DLC1: variants seen among roughly 807,000 people sequenced by gnomAD.
The protein encoded by DLC1 is DLC1 Rho GTPase activating protein, also known as rho GTPase-activating protein 7.
In DLC1, 54 loss-of-function variants were observed where a neutral mutation model predicts 140.3. The ratio of observed to expected loss-of-function variants is 0.38; its 90% confidence interval spans 0.31 to 0.48. The LOEUF is 0.48. DLC1 is among the 20% of genes least tolerant of loss of function. DLC1 has a pLI of 0.96. For missense variants in DLC1, 2,536 were observed against 1,907.0 expected (o/e 1.33, Z -6.14); for synonymous variants, 986 against 728.1 (o/e 1.35, Z -5.70).
chr8:13,237,534 A>G (rs1025143510), intron 5 of DLC1, among the ~76,000 whole-genome samples: 1 of 151,860 alleles, frequency 6.6e-6, no homozygotes, highest in African/African-American at 2.4e-5. Context: ...TTTATGGTGA[A>G]TTCTGAGGTT....
At chr8:13,160,440 G>A (rs1824602717) in intron 5 of DLC1, among the ~76,000 whole-genome samples, 1 of 152,136 alleles carries the variant, frequency 6.6e-6, no homozygotes, top group Non-Finnish European at 1.5e-5. Flanking sequence ...TTAAAGACTT[G>A]TAATGTTTCT....
intron 5 of DLC1, among the ~76,000 whole-genome samples, chr8:13,219,649 C>T (rs1459432299): frequency 6.6e-6 from 1 of 151,612 alleles, no homozygotes; most frequent in Non-Finnish European, 1.5e-5. Context: ...TTGGAGATAT[C>T]TATATATCTA....
intron 2 of DLC1, among the ~76,000 whole-genome samples, chr8:13,424,290 G>T (rs1312312344): frequency 6.6e-6 from 1 of 151,942 alleles, no homozygotes; most frequent in Non-Finnish European, 1.5e-5. Flanking sequence ...GGAGTTCAAG[G>T]TCAGCCTGGC....
At chr8:13,391,338 C>A (rs756504170) in intron 4 of DLC1, among the ~76,000 whole-genome samples, 19 of 152,220 alleles carry the variant, frequency 1.2e-4, no homozygotes, top group Non-Finnish European at 2.1e-4. Flanking sequence ...GCTTGTATTC[C>A]CAGATGACAA....
intron 1 of DLC1, among the ~76,000 whole-genome samples, chr8:13,569,504 T>C (rs1379214072): frequency 6.6e-6 from 1 of 152,210 alleles, no homozygotes; most frequent in Non-Finnish European, 1.5e-5. Context: ...AATATATTCA[T>C]GTTTTACATA....
intron 2 of DLC1, among the ~76,000 whole-genome samples, chr8:13,484,991 C>G (rs372831931): frequency 2.1e-4 from 32 of 152,096 alleles, no homozygotes; most frequent in African/African-American, 7.7e-4. Flanking sequence ...GAAATGGTAC[C>G]CATTCCTTGA....
At chr8:13,196,436 A>G (rs991570501) in intron 5 of DLC1, among the ~76,000 whole-genome samples, 1 of 152,192 alleles carries the variant, frequency 6.6e-6, no homozygotes, top group Non-Finnish European at 1.5e-5. Flanking sequence ...ATACCCGTGT[A>G]AGGTCTATTG....
chr8:13,345,315 A>G (rs1834277329), intron 4 of DLC1, among the ~76,000 whole-genome samples: 1 of 152,106 alleles, frequency 6.6e-6, no homozygotes, highest in South Asian at 2.1e-4. Flanking sequence ...GAGAATGAAG[A>G]AGAGAGTCGA....
At chr8:13,553,575 C>G (rs549105308) in intron 1 of DLC1, among the ~76,000 whole-genome samples, 3 of 151,976 alleles carry the variant, frequency 2.0e-5, no homozygotes, top group Admixed American at 6.6e-5. Context: ...TGGTCTCAAA[C>G]TCCTGGGCTC....
intron 1 of DLC1, among the ~76,000 whole-genome samples, chr8:13,603,191 T>C (rs1585322495): frequency 6.6e-6 from 1 of 151,886 alleles, no homozygotes; most frequent in Non-Finnish European, 1.5e-5. Context: ...CTGTCATCCA[T>C]TTCTATGTAG....
chr8:13,320,493 A>T (rs886318782), intron 4 of DLC1, among the ~76,000 whole-genome samples: 4 of 152,138 alleles, frequency 2.6e-5, no homozygotes, highest in Admixed American at 2.0e-4. Context: ...TTTTTCAAGG[A>T]TTATAATAGA....
At chr8:13,146,359 T>TTTTTTAATCAGTACTAG (rs1375118104) in intron 5 of DLC1, among the ~76,000 whole-genome samples, 1 of 152,242 alleles carries the variant, frequency 6.6e-6, no homozygotes, top group East Asian at 1.9e-4. Context: ...AGGACTCTTT[T>TTTTTTAATCAGTACTAG]TTTTTAATCA....
chr8:13,260,467 G>A (rs147862508), intron 5 of DLC1, among the ~76,000 whole-genome samples: 214 of 152,272 alleles, frequency 1.4e-3, no homozygotes, highest in African/African-American at 4.5e-3. Flanking sequence ...GAAGATGAAT[G>A]GATAGGAAAG....
chr8:13,206,931 T>C (rs980544667), intron 5 of DLC1, among the ~76,000 whole-genome samples: 7 of 152,096 alleles, frequency 4.6e-5, no homozygotes, highest in South Asian at 2.1e-4. Flanking sequence ...GTCACTATTA[T>C]GCTACTGAGA....
At chr8:13,086,227 G>C (rs968141889) in intron 17 of DLC1, 63 bp downstream of exon 17, 11 of 1,561,300 alleles carry the variant, frequency 7.0e-6, no homozygotes, top group African/African-American at 1.4e-5. Context: ...CTTTGCATTA[G>C]ACAAAAAGTC....
At chr8:13,528,709 A>T (rs1228177091) in intron 1 of DLC1, among the ~76,000 whole-genome samples, 1 of 152,144 alleles carries the variant, frequency 6.6e-6, no homozygotes, top group Non-Finnish European at 1.5e-5. Context: ...TTTTTTAATG[A>T]GTTAAAATAA....
At chr8:13,323,815 T>C (rs986322905) in intron 4 of DLC1, among the ~76,000 whole-genome samples, 3 of 152,238 alleles carry the variant, frequency 2.0e-5, no homozygotes, top group Non-Finnish European at 4.4e-5. Context: ...AGGCATTTTG[T>C]TAACTGGTGG....
At position 13,218,983 on chromosome 8, in the gene DLC1, T is replaced by TATATAATAATTATATACGA. The variant is rs1563173903; in HGVS notation, c.1348+86285_1348+86286insTCGTATATAATTATTATAT. Among the ~76,000 whole-genome samples, 175 of 33,574 alleles carry TATATAATAATTATATACGA rather than the reference T, an allele frequency of 5.2e-3. 6 individuals carry two copies. The highest frequency in any genetic ancestry group is 0.034 in the African/African-American group (163 of 4,754). The allele number at this position is 33,574 out of a possible 152,430, so 22.0% of individuals were successfully genotyped here. ...GTATATAATTATATACGTATATAACTATATAATTATATACGAATATAATTA... is the reference window on the plus strand; with the variant it reads ...GTATATAATTATATACGTATATAACTATATAATAATTATATACGAATATAATTATATACGAATATAATTA... On this transcript the variant is annotated intron_variant, in intron 5 of 17. Coordinates refer to ENST00000276297, the MANE Select transcript of DLC1 (RefSeq NM_182643.3).
chr8:13,382,310 A>G lies in DLC1; in HGVS notation c.1314+11243T>C, dbSNP rs912606429. Among the ~76,000 whole-genome samples the G allele has an allele frequency of 1.6e-4, 24 of 151,776 alleles. No homozygotes were observed. The East Asian group carries it at 4.1e-3, about 26-fold the overall frequency. On this transcript the variant is annotated intron_variant, in intron 4 of 17. Coordinates refer to ENST00000276297, the MANE Select transcript of DLC1 (RefSeq NM_182643.3). ...ATCACGAGGTCAGGAGATCGAGACC[A>G]TCCTGGCTAACACGTTGAAACCCCG...
Sources: allele counts gnomAD v4.1 joint callset (sites outside exome capture counted in the v4.1 genomes callset), GRCh38; gene constraint gnomAD v4.1.1; transcripts MANE v1.5; gene names NCBI Gene and HGNC (gene_info 2026-07-23, HGNC 2026-07-21).